TAFA2: variants seen among roughly 807,000 people sequenced by gnomAD.
TAFA2 encodes TAFA chemokine like family member 2, also known as chemokine-like protein TAFA-2.
Under a neutral mutation model 18.8 loss-of-function variants are expected in TAFA2, and 7 were observed. The ratio of observed to expected loss-of-function variants is 0.37; its 90% CI spans 0.21 to 0.70. The LOEUF is 0.70. TAFA2 is among the 30% of genes least tolerant of loss of function. The pLI is 0.53. For synonymous variants in TAFA2, 60 were observed against 54.2 expected (o/e 1.11, Z -0.47); for missense variants, 122 against 158.1 (o/e 0.77, Z 1.23).
intron 1 of TAFA2, among the ~76,000 whole-genome samples, chr12:62,243,588 T>G (rs1342551119): frequency 6.6e-6 from 1 of 152,230 alleles, no homozygotes; most frequent in Non-Finnish European, 1.5e-5. Context: ...GCCAGAAAGC[T>G]GAGATGATGG....
chr12:61,738,729 A>G (rs150170383), intron 4 of TAFA2, among the ~76,000 whole-genome samples: 1 of 152,164 alleles, frequency 6.6e-6, no homozygotes, highest in East Asian at 1.9e-4. Flanking sequence ...ACTGAAATCC[A>G]TTTAGTACAG....
At chr12:62,158,756 A>T (rs1440009093) in intron 1 of TAFA2, among the ~76,000 whole-genome samples, 1 of 152,212 alleles carries the variant, frequency 6.6e-6, no homozygotes, top group Non-Finnish European at 1.5e-5. Flanking sequence ...TTTCCAAGAC[A>T]GTATGGGAAA....
rs553170593 is a variant in TAFA2 at position 61,814,488 on chromosome 12, T to G, written c.106+52832A>C. Reference sequence around the variant, plus strand: ...AATCTGGTCAAGATCTGATTCAGGTTTTTAAAAGGCTGTATGGGCTGCTTG... The same window carrying G: ...AATCTGGTCAAGATCTGATTCAGGTGTTTAAAAGGCTGTATGGGCTGCTTG... On this transcript the variant is annotated intron_variant, in intron 2 of 4. Transcript: ENST00000416284. Among the ~76,000 whole-genome samples, 3 of 151,216 alleles carry G rather than the reference T, an allele frequency of 2.0e-5. No homozygotes were observed. The East Asian group carries it at 5.8e-4, about 29-fold the overall frequency.
intron 2 of TAFA2, among the ~76,000 whole-genome samples, chr12:61,779,449 T>C (rs1333583759): frequency 6.6e-6 from 1 of 151,846 alleles, no homozygotes; most frequent in Non-Finnish European, 1.5e-5. Context: ...TTAATAATTA[T>C]TCTGAAAAAA....
chr12:62,108,684 T>C (rs1869577048), intron 1 of TAFA2, among the ~76,000 whole-genome samples: 2 of 152,352 alleles, frequency 1.3e-5, no homozygotes, highest in South Asian at 4.1e-4. Context: ...CAATTCTAAC[T>C]GGTGTGAGAT....
At chr12:62,128,968 A>G (rs1210092971) in intron 1 of TAFA2, among the ~76,000 whole-genome samples, 3 of 151,996 alleles carry the variant, frequency 2.0e-5, no homozygotes, top group Non-Finnish European at 4.4e-5. Context: ...AACTTTTATT[A>G]TTTTTCAAAT....
At chr12:62,195,515 C>T (rs1475151355), upstream of TAFA2, among the ~76,000 whole-genome samples, 1 of 152,164 alleles carries the variant, frequency 6.6e-6, no homozygotes, top group African/African-American at 2.4e-5. Flanking sequence ...CAAAATTACT[C>T]CTTGACCTAT....
At chr12:61,743,743 C>G (rs542210090) in intron 4 of TAFA2, among the ~76,000 whole-genome samples, 2 of 152,184 alleles carry the variant, frequency 1.3e-5, no homozygotes, top group South Asian at 4.1e-4. Flanking sequence ...TGCATCTTCA[C>G]CCCACTCTCC....
chr12:61,878,723 A>G (rs1874976518), intron 1 of TAFA2, among the ~76,000 whole-genome samples: 1 of 152,226 alleles, frequency 6.6e-6, no homozygotes, highest in Non-Finnish European at 1.5e-5. Context: ...TCTTGTAGGC[A>G]GTAGAATACT....
intron 1 of TAFA2, among the ~76,000 whole-genome samples, chr12:62,063,675 T>C (rs149700634): frequency 1.1e-4 from 16 of 152,312 alleles, no homozygotes; most frequent in African/African-American, 3.1e-4. Context: ...GTTATCCAAA[T>C]GAACACCAGG....
At chr12:62,194,253 C>A (rs2062639375), upstream of TAFA2, among the ~76,000 whole-genome samples, 1 of 151,396 alleles carries the variant, frequency 6.6e-6, no homozygotes, top group South Asian at 2.1e-4. Flanking sequence ...GGACTCTGTA[C>A]TAGAAAGAAG....
chr12:62,058,203 TG>T (rs1227830506), intron 1 of TAFA2, among the ~76,000 whole-genome samples: 1 of 152,184 alleles, frequency 6.6e-6, no homozygotes, highest in East Asian at 1.9e-4. Flanking sequence ...ACTGTGGAGC[TG>T]ATTATAAGAT....
At chr12:61,869,627 C>G (rs917949706) in intron 1 of TAFA2, among the ~76,000 whole-genome samples, 2 of 152,144 alleles carry the variant, frequency 1.3e-5, no homozygotes, top group African/African-American at 2.4e-5. Context: ...CAAGAACCTC[C>G]TCCACAGTGT....
At chr12:61,910,100 TTGTGTGTGTGTGTGTG>T (rs71083963) in intron 1 of TAFA2, among the ~76,000 whole-genome samples, 11 of 144,904 alleles carry the variant, frequency 7.6e-5, no homozygotes, top group African/African-American at 5.2e-5. Flanking sequence ...GTGTGTGTGT[TTGTGTGTGTGTGTGTG>T]TGTGTGTGTG....
At chr12:62,110,935 C>A (rs926346700) in intron 1 of TAFA2, among the ~76,000 whole-genome samples, 1 of 151,950 alleles carries the variant, frequency 6.6e-6, no homozygotes, top group African/African-American at 2.4e-5. Context: ...TTCAAAAAAA[C>A]AGCTTCTGGA....
intron 1 of TAFA2, among the ~76,000 whole-genome samples, chr12:62,238,438 T>C (rs1458194335): frequency 6.6e-6 from 1 of 152,234 alleles, no homozygotes; most frequent in Non-Finnish European, 1.5e-5. Flanking sequence ...GCACTTTCCA[T>C]GTGCCAGGCA....
At chr12:61,761,649 C>T (rs984498792) in intron 2 of TAFA2, among the ~76,000 whole-genome samples, 1 of 152,000 alleles carries the variant, frequency 6.6e-6, no homozygotes, top group African/African-American at 2.4e-5. Flanking sequence ...GGAAACTATA[C>T]CTCCAATTTG....
At chr12:62,165,484 C>T (rs867958927) in intron 1 of TAFA2, among the ~76,000 whole-genome samples, 6 of 152,068 alleles carry the variant, frequency 3.9e-5, no homozygotes, top group African/African-American at 1.4e-4. Flanking sequence ...TGAAATTTAG[C>T]CACAAATTTC....
chr12:62,095,287 A>G (rs1158763016), intron 1 of TAFA2, among the ~76,000 whole-genome samples: 1 of 152,120 alleles, frequency 6.6e-6, no homozygotes, highest in African/African-American at 2.4e-5. Flanking sequence ...TATAATTGCC[A>G]CCCTGCTGGA....
Sources: gnomAD v4.1 joint callset for allele counts (sites outside exome capture counted in the v4.1 genomes callset) on GRCh38, gnomAD v4.1.1 for gene constraint, MANE v1.5 for transcripts, NCBI Gene and HGNC (gene_info 2026-07-23, HGNC 2026-07-21) for gene names.